NAALADL2: variants seen among roughly 807,000 people sequenced by gnomAD.
NAALADL2 encodes the protein N-acetylated alpha-linked acidic dipeptidase like 2, also known as inactive N-acetylated-alpha-linked acidic dipeptidase-like protein 2.
NAALADL2 carries 76 observed loss-of-function variants against 87.2 expected under a neutral mutation model. That is an observed-to-expected ratio of 0.87 (90% confidence interval 0.72 to 1.05). NAALADL2 has a LOEUF of 1.05. NAALADL2 is among the 50% of genes least tolerant of loss of function. NAALADL2 has a pLI of 0.00. For missense variants in NAALADL2, 1,089 were observed against 945.8 expected (o/e 1.15, Z -1.99); for synonymous variants, 354 against 331.0 (o/e 1.07, Z -0.75).
chr3:175,464,461 G>T (rs937481118), intron 7 of NAALADL2, among the ~76,000 whole-genome samples: 3 of 151,412 alleles, frequency 2.0e-5, no homozygotes, highest in Non-Finnish European at 4.4e-5. Context: ...CAGATATTAT[G>T]TAGGCTAATT....
chr3:174,575,554 G>T (rs1380167974), intron 2 of NAALADL2, among the ~76,000 whole-genome samples: 1 of 152,136 alleles, frequency 6.6e-6, no homozygotes, highest in African/African-American at 2.4e-5. Context: ...ATTGTCAAGA[G>T]ATATGTAAAT....
chr3:175,532,497 T>A lies in NAALADL2; in HGVS notation c.1654-43544T>A, dbSNP rs147838772. On this transcript the variant is annotated intron_variant, in intron 9 of 13. Transcript: ENST00000454872. Reference sequence around the variant, plus strand: ...TTAATTGAGGGGCCGTGATTCTCTGTTTTTATAATTCAAATTAGTCTTTTG... The same window carrying A: ...TTAATTGAGGGGCCGTGATTCTCTGATTTTATAATTCAAATTAGTCTTTTG... Among the ~76,000 whole-genome samples, 1,425 of 152,338 alleles carry A rather than the reference T, an allele frequency of 9.4e-3. 47 individuals are homozygous for A. Among genetic ancestry groups the A allele is most frequent in the Admixed American group, 0.056 (856 of 15,300 alleles).
chr3:175,253,438 T>C (rs1450325749), intron 3 of NAALADL2, among the ~76,000 whole-genome samples: 2 of 152,166 alleles, frequency 1.3e-5, no homozygotes, highest in Non-Finnish European at 2.9e-5. Context: ...TTTCAAAAAA[T>C]TATTGCTCTC....
intron 2 of NAALADL2, among the ~76,000 whole-genome samples, chr3:175,147,505 G>C (rs1261642665): frequency 1.3e-5 from 2 of 152,082 alleles, no homozygotes; most frequent in Non-Finnish European, 2.9e-5. Context: ...TGGGCACCTA[G>C]GTTGATGATA....
Position 175,013,146 on chromosome 3 carries a change from TA to T in NAALADL2, c.44-83643del, listed in dbSNP as rs1185084905. Among the ~76,000 whole-genome samples the T allele has an allele frequency of 6.9e-4, 74 of 106,784 alleles. 17 individuals carry two copies. The highest frequency in any genetic ancestry group is 3.7e-3 in the African/African-American group (72 of 19,570). 70.1% of individuals were successfully genotyped at this position (106,784 alleles called of 152,430 possible). A position where few individuals can be genotyped will look rare whatever the true frequency, so the allele number is the denominator to read the frequency against. Reference sequence around the variant, plus strand: ...TACATATTTATATATAAATATGTAATACATATTTATATATAAATATGTAATA... The same window carrying T: ...TACATATTTATATATAAATATGTAATCATATTTATATATAAATATGTAATA... On this transcript the variant is annotated intron_variant, in intron 1 of 13. Coordinates refer to ENST00000454872, the MANE Select transcript of NAALADL2 (RefSeq NM_207015.3).
At chr3:175,394,571 T>C (rs1264303970) in intron 5 of NAALADL2, among the ~76,000 whole-genome samples, 1 of 152,176 alleles carries the variant, frequency 6.6e-6, no homozygotes, top group Non-Finnish European at 1.5e-5. Context: ...CACAACATAT[T>C]GAGAAACAGA....
At chr3:174,908,054 T>G (rs962550090) in intron 1 of NAALADL2, among the ~76,000 whole-genome samples, 12 of 102,398 alleles carry the variant, frequency 1.2e-4, no homozygotes, top group East Asian at 6.0e-4. Flanking sequence ...TGGCCTGAGA[T>G]AAAATAATTT....
chr3:174,624,837 T>C (rs1315141107), intron 2 of NAALADL2, among the ~76,000 whole-genome samples: 6 of 152,170 alleles, frequency 3.9e-5, no homozygotes, highest in African/African-American at 7.2e-5. Context: ...TATTAGCCAA[T>C]AATAAGCATT....
intron 4 of NAALADL2, among the ~76,000 whole-genome samples, chr3:175,260,765 C>A (rs1003850077): frequency 1.3e-5 from 2 of 152,082 alleles, no homozygotes; most frequent in African/African-American, 4.8e-5. Context: ...GAGGGAATCT[C>A]TACATCCGAG....
At chr3:175,460,380 T>A (rs1722933623) in intron 6 of NAALADL2, among the ~76,000 whole-genome samples, 1 of 152,194 alleles carries the variant, frequency 6.6e-6, no homozygotes, top group African/African-American at 2.4e-5. Flanking sequence ...AGTAGCTTTT[T>A]GCTATGTAAA....
intron 3 of NAALADL2, among the ~76,000 whole-genome samples, chr3:174,743,139 AT>A (rs1046745970): frequency 4.6e-5 from 7 of 151,676 alleles, no homozygotes; most frequent in African/African-American, 1.4e-4. Context: ...ACTGCTTAGG[AT>A]TTTGCTTCCA....
chr3:174,856,358 C>T (rs1294460528), upstream of NAALADL2, among the ~76,000 whole-genome samples: 1 of 152,072 alleles, frequency 6.6e-6, no homozygotes, highest in Non-Finnish European at 1.5e-5. Context: ...CTTTTCCTTT[C>T]CACAATTTGT....
chr3:175,693,911 T>C (rs1001774058), intron 11 of NAALADL2, among the ~76,000 whole-genome samples: 1 of 152,130 alleles, frequency 6.6e-6, no homozygotes, highest in Non-Finnish European at 1.5e-5. Flanking sequence ...GCCAGGATGG[T>C]CTTGATCTCT....
intron 9 of NAALADL2, among the ~76,000 whole-genome samples, chr3:175,534,665 T>TC (rs950297692): frequency 4.0e-5 from 6 of 151,106 alleles, no homozygotes; most frequent in African/African-American, 1.5e-4. Context: ...TTTTTTTTTT[T>TC]CTTTCCAATT....
At chr3:174,731,136 T>C (rs959436929) in intron 2 of NAALADL2, among the ~76,000 whole-genome samples, 1 of 152,120 alleles carries the variant, frequency 6.6e-6, no homozygotes, top group Non-Finnish European at 1.5e-5. Flanking sequence ...GCAACATTTA[T>C]GACTTTGAGC....
chr3:175,538,114 A>G (rs1218655943), intron 9 of NAALADL2, among the ~76,000 whole-genome samples: 1 of 152,178 alleles, frequency 6.6e-6, no homozygotes, highest in African/African-American at 2.4e-5. Context: ...GAAACAGACT[A>G]AGTAATATCA....
chr3:175,605,645 T>TTTTTTTTTTG (rs1553931395), intron 10 of NAALADL2, among the ~76,000 whole-genome samples: 763 of 33,126 alleles, frequency 0.023, 11 homozygotes, highest in Middle Eastern at 0.068. Context: ...TGCTTGTTTT[T>TTTTTTTTTTG]TTTTTTTTTT....
At chr3:174,751,844 G>T (rs895095259) in intron 3 of NAALADL2, among the ~76,000 whole-genome samples, 1 of 139,668 alleles carries the variant, frequency 7.2e-6, no homozygotes, top group Admixed American at 7.0e-5. Context: ...ATTGACTTTA[G>T]AGATTATGTA....
At chr3:174,885,798 A>C (rs1471822732) in intron 1 of NAALADL2, among the ~76,000 whole-genome samples, 6 of 151,416 alleles carry the variant, frequency 4.0e-5, no homozygotes, top group Non-Finnish European at 8.8e-5. Flanking sequence ...CTAGCATAAA[A>C]ATTAAGTATT....
Sources: gnomAD v4.1 joint callset for allele counts (sites outside exome capture counted in the v4.1 genomes callset) on GRCh38, gnomAD v4.1.1 for gene constraint, MANE v1.5 for transcripts, NCBI Gene and HGNC (gene_info 2026-07-23, HGNC 2026-07-21) for gene names.